SV2B: variants seen among roughly 807,000 people sequenced by gnomAD.
The protein encoded by SV2B is solute carrier family 22 member B2.
Under a neutral mutation model 73.9 loss-of-function variants are expected in SV2B, and 41 were observed. The observed-to-expected ratio is 0.56, with a 90% confidence interval of 0.43 to 0.72. The LOEUF is 0.72. Ranked by LOEUF, SV2B falls within the 30% of genes least tolerant of loss-of-function variation. The pLI is 0.00. For synonymous variants in SV2B, 314 were observed against 314.2 expected, an observed-to-expected ratio of 1.00 and a Z score of 0.01; for missense variants, 764 against 857.8, an observed-to-expected ratio of 0.89 and a Z score of 1.37.
At chr15:91,172,789 A>T (rs2141284842) in intron 1 of SV2B, among the ~76,000 whole-genome samples, 1 of 152,302 alleles carries the variant, frequency 6.6e-6, no homozygotes, top group East Asian at 1.9e-4. Context: ...CAATAATTCC[A>T]CCCCAAAGGA....
Position 91,252,094 on chromosome 15 carries a change from G to T in SV2B, c.632+95G>T. 1 of 1,467,628 alleles carries T rather than the reference G, an allele frequency of 6.8e-7. No individual in the cohort carries two copies. Among genetic ancestry groups the T allele is most frequent in the Non-Finnish European group, 9.2e-7 (1 of 1,090,942 alleles). The allele number at this position is 1,467,628 out of a possible 1,614,324, so 90.9% of individuals were successfully genotyped here. A position where few individuals can be genotyped will look rare whatever the true frequency, so the allele number is the denominator to read the frequency against. On this transcript the variant is annotated intron_variant, in intron 3 of 12. Transcript: ENST00000394232. This position sits in a 1 kb window ranked among gnomAD's most constrained non-coding sequence, Gnocchi z 4.6. The stretch of plus-strand genomic sequence containing the variant: ...CAAGAGGTAACTCTAGAAACCCTTG[G>T]ACTGACTGAGTTTTTGTTTGACTTT...
chr15:91,231,852 A>G lies in SV2B; in HGVS notation c.451+5138A>G, dbSNP rs897255824. Among the ~76,000 whole-genome samples the G allele has an allele frequency of 3.3e-5, 5 of 152,134 alleles. No homozygotes were observed. Among genetic ancestry groups the G allele is most frequent in the African/African-American group, 1.2e-4 (5 of 41,422 alleles). ...TATACCTTTCAGAAAGTGATTTAGA[A>G]TCTAACAGTTGACCCCTGGGGCATG... is the stretch of plus-strand genomic sequence containing the variant. On this transcript the variant is annotated intron_variant, in intron 2 of 12. Transcript: ENST00000394232. This position sits in a 1 kb window ranked among gnomAD's most constrained non-coding sequence, Gnocchi z 4.5.
intron 1 of SV2B, among the ~76,000 whole-genome samples, chr15:91,160,274 A>G (rs2043664426): frequency 1.3e-5 from 2 of 152,204 alleles, no homozygotes; most frequent in African/African-American, 4.8e-5. Flanking sequence ...GAAAATTTTG[A>G]TAAAGAAGAA....
intron 1 of SV2B, among the ~76,000 whole-genome samples, chr15:91,176,637 G>A (rs1293833741): frequency 6.6e-6 from 1 of 151,800 alleles, no homozygotes; most frequent in Non-Finnish European, 1.5e-5. Context: ...TTCTCTGATG[G>A]CCAGTGATGA....
chr15:91,170,208 T>C (rs2044073575), intron 1 of SV2B, among the ~76,000 whole-genome samples: 1 of 152,196 alleles, frequency 6.6e-6, no homozygotes. Flanking sequence ...GTTGGTATAA[T>C]TCCAGTCAAA....
Position 91,292,611 on chromosome 15 carries a change from C to T in SV2B, c.*59C>T. The stretch of plus-strand genomic sequence containing the variant: ...CTTGTCCAGGACACTGAAATGCATC[C>T]ACACTTCCTGCCTATCACGGTCCGG... On this transcript the variant is annotated 3_prime_UTR_variant, in exon 13 of 13. Transcript: ENST00000394232. The T allele has an allele frequency of 6.4e-7, 1 of 1,557,896 alleles. No individual in the cohort carries two copies. The highest frequency in any genetic ancestry group is 8.7e-7 in the Non-Finnish European group (1 of 1,152,864).
In SV2B at chr15:91,127,091, C is replaced by T. The variant is rs78397169; in HGVS notation, c.-392+26728C>T. Among the ~76,000 whole-genome samples, 6 of 152,320 alleles carry T rather than the reference C, an allele frequency of 3.9e-5. No individual in the cohort carries two copies. In the East Asian group the frequency reaches 9.6e-4, roughly 24 times the overall value. Reference sequence around the variant, plus strand: ...AATTGCTTAACCTCTCTAAGCTTGCCTTAGTTTCTCCCTGTATACAATGGG... The same window carrying T: ...AATTGCTTAACCTCTCTAAGCTTGCTTTAGTTTCTCCCTGTATACAATGGG... On this transcript the variant is annotated intron_variant, in intron 1 of 12. Transcript: ENST00000394232.
intron 1 of SV2B, among the ~76,000 whole-genome samples, chr15:91,143,231 C>A (rs773286542): frequency 2.0e-5 from 3 of 152,150 alleles, no homozygotes; most frequent in Admixed American, 6.5e-5. Context: ...CCATAAGAAC[C>A]GCTTGGGGGA....
At chr15:91,111,420 A>C (rs1256748394) in intron 1 of SV2B, among the ~76,000 whole-genome samples, 1 of 152,232 alleles carries the variant, frequency 6.6e-6, no homozygotes, top group African/African-American at 2.4e-5. Context: ...GAGCTCATTA[A>C]TTAATACTTA....
chr15:91,160,288 C>T (rs1195393198), intron 1 of SV2B, among the ~76,000 whole-genome samples: 1 of 152,018 alleles, frequency 6.6e-6, no homozygotes, highest in Non-Finnish European at 1.5e-5. Flanking sequence ...AGAAGAATAA[C>T]GAAATGATAA....
At chr15:91,176,767 G>A (rs1420693559) in intron 1 of SV2B, among the ~76,000 whole-genome samples, 2 of 151,520 alleles carry the variant, frequency 1.3e-5, no homozygotes. Context: ...ATTTGTTTGA[G>A]TTCATTGTAG....
intron 1 of SV2B, among the ~76,000 whole-genome samples, chr15:91,175,357 T>C (rs552291507): frequency 6.6e-6 from 1 of 152,062 alleles, no homozygotes; most frequent in East Asian, 1.9e-4. Context: ...TGGGTTCCAG[T>C]GATTCTCCTG....
Position 91,283,962 on chromosome 15 carries a change from C to T in SV2B, c.1508-59C>T, listed in dbSNP as rs1480683632. 1 of 1,580,646 alleles carries T rather than the reference C, an allele frequency of 6.3e-7. No homozygotes were observed. Among genetic ancestry groups the T allele is most frequent in the East Asian group, 2.2e-5 (1 of 44,720 alleles). On this transcript the variant is annotated intron_variant, in intron 10 of 12. Coordinates refer to ENST00000394232, the MANE Select transcript of SV2B (RefSeq NM_001323032.3). The surrounding 1 kb of genome is among the most constrained non-coding windows in gnomAD (Gnocchi z 4.3). The stretch of plus-strand genomic sequence containing the variant: ...GGGGCAGACTTCATCCCTGCCTCTG[C>T]CTTTCTCTCTCCAGCTCCCTTCCAC...
intron 1 of SV2B, among the ~76,000 whole-genome samples, chr15:91,156,489 A>G (rs563438444): frequency 6.6e-6 from 1 of 152,358 alleles, no homozygotes; most frequent in East Asian, 1.9e-4. Flanking sequence ...CTTAAACAAA[A>G]TGGCAGGTAG....
rs1349712017 is a variant in SV2B, at chr15:91,223,030, T to G, written c.-391-2843T>G. Among the ~76,000 whole-genome samples, 1 of 152,208 alleles carries G rather than the reference T, an allele frequency of 6.6e-6. No individual in the cohort carries two copies. Among genetic ancestry groups the G allele is most frequent in the African/African-American group, 2.4e-5 (1 of 41,448 alleles). ...TCAGGGTGTCAACACAGTTGATTCCTTCTGAGAGCTGTGAGAGAGAATCTG... is the reference window on the plus strand; with the variant it reads ...TCAGGGTGTCAACACAGTTGATTCCGTCTGAGAGCTGTGAGAGAGAATCTG... On this transcript the variant is annotated intron_variant, in intron 1 of 12. Transcript: ENST00000394232. This position sits in a 1 kb window ranked among gnomAD's most constrained non-coding sequence, Gnocchi z 4.6.
Position 91,268,308 on chromosome 15 carries a change from T to G in SV2B, c.1209-133T>G, listed in dbSNP as rs2048174337. The G allele has an allele frequency of 1.1e-6, 1 of 908,280 alleles. No homozygotes were observed. Among genetic ancestry groups the G allele is most frequent in the Non-Finnish European group, 1.6e-6 (1 of 619,034 alleles). 56.3% of individuals were successfully genotyped at this position (908,280 alleles called of 1,614,324 possible). ...TTTATTAATATGAGGATTTATATTG[T>G]CAGATTTTCTAATAATGAACCAAAT... On this transcript the variant is annotated intron_variant, in intron 8 of 12. Coordinates refer to ENST00000394232, the MANE Select transcript of SV2B (RefSeq NM_001323032.3). This position sits in a 1 kb window ranked among gnomAD's most constrained non-coding sequence, Gnocchi z 4.4.
At chr15:91,211,689 AG>A (rs1417101783) in intron 1 of SV2B, among the ~76,000 whole-genome samples, 1 of 151,288 alleles carries the variant, frequency 6.6e-6, no homozygotes, top group African/African-American at 2.4e-5. Context: ...TTTTTAGTAG[AG>A]ACAGGGTTTC....
Position 91,123,041 on chromosome 15 carries a change from T to A in SV2B, c.-392+22678T>A, listed in dbSNP as rs774508602. On this transcript the variant is annotated intron_variant, in intron 1 of 12. Coordinates refer to ENST00000394232, the MANE Select transcript of SV2B (RefSeq NM_001323032.3). This position sits in a 1 kb window ranked among gnomAD's most constrained non-coding sequence, Gnocchi z 4.7. Reference sequence around the variant, plus strand: ...ATCCCAACACTTTGGGAGGCTGAGGTGGGAGGATCACTTGAGCTCAGGAGT... The same window carrying A: ...ATCCCAACACTTTGGGAGGCTGAGGAGGGAGGATCACTTGAGCTCAGGAGT... Among the ~76,000 whole-genome samples, 1 of 152,130 alleles carries A rather than the reference T, an allele frequency of 6.6e-6. No individual in the cohort carries two copies. The highest frequency in any genetic ancestry group is 1.5e-5 in the Non-Finnish European group (1 of 68,020).
chr15:91,174,421 T>C (rs1307026645), intron 1 of SV2B, among the ~76,000 whole-genome samples: 2 of 152,214 alleles, frequency 1.3e-5, no homozygotes, highest in African/African-American at 4.8e-5. Flanking sequence ...TTCTATTCAT[T>C]TTAGTTCCAT....
Sources: allele counts gnomAD v4.1 joint callset (sites outside exome capture counted in the v4.1 genomes callset), GRCh38; gene constraint gnomAD v4.1.1; non-coding constraint Gnocchi (gnomAD v3.1); transcripts MANE v1.5; gene names NCBI Gene and HGNC (gene_info 2026-07-23, HGNC 2026-07-21).